The following ST7 variants were observed in gnomAD, a reference collection of about 807,000 sequenced individuals.
ST7 encodes the protein suppressor of tumorigenicity 7 protein.
In ST7, 28 loss-of-function variants were observed where a neutral mutation model predicts 78.7. The observed-to-expected ratio is 0.36, with a 90% CI of 0.26 to 0.49. ST7 has a LOEUF of 0.49. ST7 is among the 20% of genes least tolerant of loss of function. The pLI, the probability that ST7 is intolerant of heterozygous loss-of-function variation, is 0.99. For synonymous variants in ST7, 247 were observed against 249.6 expected (o/e 0.99, Z 0.10); for missense variants, 418 against 696.0 (o/e 0.60, Z 4.49).
chr7:117,149,698 G>T (rs1239261856), intron 9 of ST7, among the ~76,000 whole-genome samples: 1 of 139,174 alleles, frequency 7.2e-6, no homozygotes, highest in East Asian at 2.2e-4. Context: ...CTTAAAACTT[G>T]GTTCTGCTTC....
intron 1 of ST7, chr7:116,958,751 A>C (rs1336102522): frequency 6.5e-6 from 3 of 464,540 alleles, no homozygotes; most frequent in Non-Finnish European, 1.3e-5. Context: ...ATATTGTATT[A>C]TATTAAGAGT....
At chr7:117,132,563 G>A (rs1259349787) in intron 6 of ST7, among the ~76,000 whole-genome samples, 1 of 151,592 alleles carries the variant, frequency 6.6e-6, no homozygotes, top group Non-Finnish European at 1.5e-5. Context: ...TCACTTAGCT[G>A]AACCACCCAT....
intron 1 of ST7, among the ~76,000 whole-genome samples, chr7:117,087,302 AG>A (rs1800227923): frequency 1.3e-5 from 2 of 152,194 alleles, no homozygotes; most frequent in Admixed American, 6.5e-5. Context: ...AATAGAAAAT[AG>A]ATTTATTTTT....
intron 1 of ST7, among the ~76,000 whole-genome samples, chr7:117,002,978 G>A (rs866804229): frequency 1.9e-4 from 29 of 149,902 alleles, no homozygotes; most frequent in Admixed American, 1.6e-3. Context: ...ACCCACAACC[G>A]TGCCCAGCTA....
At chr7:117,166,528 T>G (rs961546690) in intron 9 of ST7, among the ~76,000 whole-genome samples, 1 of 152,140 alleles carries the variant, frequency 6.6e-6, no homozygotes, top group Non-Finnish European at 1.5e-5. Flanking sequence ...GCTTATTTCC[T>G]TGGGATAAAT....
intron 1 of ST7, among the ~76,000 whole-genome samples, chr7:116,991,195 GC>G (rs1027590387): frequency 1.7e-4 from 26 of 152,170 alleles, no homozygotes; most frequent in African/African-American, 5.8e-4. Flanking sequence ...TTTTGAAAAA[GC>G]CTGAAAGGTT....
At chr7:117,176,370 A>G (rs925355615) in intron 10 of ST7, among the ~76,000 whole-genome samples, 1 of 152,214 alleles carries the variant, frequency 6.6e-6, no homozygotes, top group Non-Finnish European at 1.5e-5. Context: ...TGCAGAGGGT[A>G]TACTTTTTAG....
chr7:117,009,685 T>A (rs567424954), intron 1 of ST7, among the ~76,000 whole-genome samples: 120 of 151,922 alleles, frequency 7.9e-4, no homozygotes, highest in Middle Eastern at 3.4e-3. Context: ...ATTGCTATAT[T>A]TTTTTTTAAT....
intron 1 of ST7, among the ~76,000 whole-genome samples, chr7:117,053,134 T>C (rs186707861): frequency 6.6e-6 from 1 of 152,318 alleles, no homozygotes; most frequent in Admixed American, 6.5e-5. Context: ...AGAGAAATTT[T>C]AAATTAAGGA....
chr7:117,129,952 G>T, intron 4 of ST7, 105 bp downstream of exon 4: 4 of 774,652 alleles, frequency 5.2e-6, no homozygotes, highest in Non-Finnish European at 8.5e-6. Flanking sequence ...AACAGTCTAT[G>T]TAGTGCGTCC....
At chr7:116,966,247 CT>C (rs374887005) in intron 1 of ST7, 16,491 of 178,062 alleles carry the variant, frequency 0.093, 26 homozygotes, top group South Asian at 0.21. Context: ...TTTTTTCTTT[CT>C]TTTTTTTTTT....
intron 1 of ST7, among the ~76,000 whole-genome samples, chr7:117,024,546 A>T (rs1796096513): frequency 6.6e-6 from 1 of 152,192 alleles, no homozygotes; most frequent in South Asian, 2.1e-4. Context: ...CCTGCTGAGA[A>T]ACAGAGTGTC....
At chr7:117,131,031 G>A (rs1009362537) in intron 5 of ST7, among the ~76,000 whole-genome samples, 3 of 151,650 alleles carry the variant, frequency 2.0e-5, no homozygotes, top group African/African-American at 4.8e-5. Context: ...AACTAGCATC[G>A]AATGGGGTCA....
chr7:117,053,512 A>G (rs941800767), intron 1 of ST7, among the ~76,000 whole-genome samples: 3 of 152,186 alleles, frequency 2.0e-5, no homozygotes, highest in African/African-American at 7.2e-5. Flanking sequence ...AACTAGGGAA[A>G]GATAGGGACA....
In ST7 at chr7:117,097,909, T is replaced by TATATATATATATATATATATA. The variant is rs1554436004; in HGVS notation, c.152-1853_152-1852insATATATATATATATATATATA. Among the ~76,000 whole-genome samples, 43 of 15,316 alleles carry TATATATATATATATATATATA rather than the reference T, an allele frequency of 2.8e-3. 3 individuals carry two copies. The highest frequency in any genetic ancestry group is 3.9e-3 in the Admixed American group (3 of 776). The allele number at this position is 15,316 out of a possible 152,430, so 10.0% of individuals were successfully genotyped here. Reference sequence around the variant, plus strand: ...ATATATATATATATATATATATATATTTTTTTTTTTTTTTTTTTTGATGGC... The same window carrying TATATATATATATATATATATA: ...ATATATATATATATATATATATATATATATATATATATATATATATATTTTTTTTTTTTTTTTTTTGATGGC... On this transcript the variant is annotated intron_variant, in intron 1 of 15. Transcript: ENST00000323984.
At chr7:117,214,090 A>G (rs1792498491) in intron 13 of ST7, among the ~76,000 whole-genome samples, 1 of 151,852 alleles carries the variant, frequency 6.6e-6, no homozygotes, top group Non-Finnish European at 1.5e-5. Context: ...TCTCCTTCCT[A>G]TCTTGATCTT....
chr7:117,163,082 T>C (rs1191765881), intron 9 of ST7, among the ~76,000 whole-genome samples: 1 of 152,188 alleles, frequency 6.6e-6, no homozygotes, highest in Non-Finnish European at 1.5e-5. Context: ...TCTAGTTTCA[T>C]CCATCTTGCT....
chr7:117,167,203 C>A (rs577353180), intron 9 of ST7, among the ~76,000 whole-genome samples: 13 of 150,304 alleles, frequency 8.6e-5, no homozygotes, highest in Admixed American at 2.6e-4. Context: ...GTATATCACC[C>A]TCTGCTATCC....
chr7:117,203,873 A>G (rs1279481283), intron 12 of ST7, among the ~76,000 whole-genome samples: 1 of 152,160 alleles, frequency 6.6e-6, no homozygotes, highest in Non-Finnish European at 1.5e-5. Context: ...TTCCATATCC[A>G]TGTCCTTGGA....
Sources: gnomAD v4.1 joint callset for allele counts (sites outside exome capture counted in the v4.1 genomes callset) on GRCh38, gnomAD v4.1.1 for gene constraint, MANE v1.5 for transcripts, NCBI Gene and HGNC (gene_info 2026-07-23, HGNC 2026-07-21) for gene names.